The following MYH2 variants were observed in gnomAD, a reference collection of about 807,000 sequenced individuals.
MYH2 encodes myosin heavy chain 2, also known as myosin-2.
In MYH2, 139 loss-of-function variants were observed where a neutral mutation model predicts 228.1. That is an observed-to-expected ratio of 0.61 (90% CI 0.53 to 0.70). The LOEUF (loss-of-function observed/expected upper bound fraction) is 0.70. MYH2 is among the 30% of genes least tolerant of loss of function. The pLI is 0.00. For synonymous variants in MYH2, 796 were observed against 871.1 expected, an observed-to-expected ratio of 0.91 and a Z score of 1.52; for missense variants, 1,809 against 2,357.5, an observed-to-expected ratio of 0.77 and a Z score of 4.82.
chr17:10,522,015 T>C (rs2073291074), intron 39 of MYH2, among the ~76,000 whole-genome samples: 1 of 152,224 alleles, frequency 6.6e-6, no homozygotes, highest in South Asian at 2.1e-4. Flanking sequence ...TACTACTTAG[T>C]AATTTATCTT....
chr17:10,523,052 T>A (rs201924580), intron 39 of MYH2, 38 bp downstream of exon 39: 2 of 1,401,742 alleles, frequency 1.4e-6, no homozygotes, highest in Non-Finnish European at 2.0e-6. Flanking sequence ...AATTATTTAT[T>A]AGCTTAATTT....
At chr17:10,535,235 G>A (rs536827215) in intron 18 of MYH2, 43 bp downstream of exon 18, 4 of 1,613,814 alleles carry the variant, frequency 2.5e-6, no homozygotes, top group South Asian at 1.1e-5. Context: ...TGAAAAGGAG[G>A]TGTGGCAGTC....
Position 10,525,568 on chromosome 17 carries a change from C to A in MYH2, c.4420G>T (p.Glu1474Ter), listed in dbSNP as rs1313498386. Residue 1474 changes from glutamate (E) to a stop codon, truncating the protein, a stop_gained, in exon 32 of 40, where the codon GAG (glutamate) becomes TAG (stop). Coordinates refer to ENST00000245503, the MANE Select transcript of MYH2 (RefSeq NM_017534.6). LOFTEE classifies it high-confidence loss of function. This position sits in a 1 kb window ranked among gnomAD's most constrained non-coding sequence, Gnocchi z 4.2. The part of the protein sequence containing the change: ...QKCEETHAEL[E>*]ASQKEARSLG... Reference sequence around the variant, plus strand: ...GAACGGGCCTCCTTCTGGGAGGCCTCAAGCTCAGCATGCGTTTCCTCACAT... The same window carrying A: ...GAACGGGCCTCCTTCTGGGAGGCCTAAAGCTCAGCATGCGTTTCCTCACAT... 1.9e-6 allele frequency: 3 copies of A among 1,614,060 alleles called. No individual in the cohort carries two copies. In the East Asian group the frequency reaches 6.7e-5, roughly 36 times the overall value.
rs185993254 is a variant in MYH2, at chr17:10,541,206, C to T, written c.905-509G>A. ...GGGAGATAACCATTAGGTCTGGCTG[C>T]CTGAGAGCCGGGTGGAACACAGCCA... On this transcript the variant is annotated intron_variant, in intron 10 of 39. Transcript: ENST00000245503. 2.0e-3 allele frequency among the ~76,000 whole-genome samples: 300 copies of T among 152,288 alleles called. 2 individuals carry two copies. Among genetic ancestry groups the T allele is most frequent in the African/African-American group, 6.8e-3 (284 of 41,556 alleles).
In MYH2 at chr17:10,523,311, G is replaced by A. The variant is rs1263747590; in HGVS notation, c.5574C>T (p.Tyr1858=). Reference sequence around the variant, plus strand: ...CGCTAAAAACTACTGGCTGTACCTGGTAAGTGAGTTCCTTCACTCGCCTCT... The same window carrying A: ...CGCTAAAAACTACTGGCTGTACCTGATAAGTGAGTTCCTTCACTCGCCTCT... ...KHERRVKELT[Y]QTEEDRKNIL... The change falls in exon 38 of 40, where the codon TAC becomes TAT. Residue 1858 remains tyrosine (Y), a synonymous_variant. Transcript: ENST00000245503. 2.5e-6 allele frequency: 4 copies of A among 1,614,014 alleles called. No individual in the cohort carries two copies. The South Asian group carries it at 3.3e-5, about 13-fold the overall frequency.
At chr17:10,536,790 G>A (rs1006999348) in intron 16 of MYH2, among the ~76,000 whole-genome samples, 184 bp from the exon 17 acceptor site, 1 of 152,176 alleles carries the variant, frequency 6.6e-6, no homozygotes, top group African/African-American at 2.4e-5. Context: ...TCTTTCTCCA[G>A]TGGGAAATGA....
chr17:10,524,026 T>A lies in MYH2; in HGVS notation c.5176-142A>T. ...TAAAGAATTAAAGGATTGTGTTATG[T>A]AATATGATTAAATAAAATATAAATG... On this transcript the variant is annotated intron_variant, in intron 35 of 39. Transcript: ENST00000245503. This position sits in a 1 kb window ranked among gnomAD's most constrained non-coding sequence, Gnocchi z 4.7. The A allele has an allele frequency of 1.3e-6, 1 of 780,926 alleles. No individual in the cohort carries two copies. Among genetic ancestry groups the A allele is most frequent in the Non-Finnish European group, 2.0e-6 (1 of 503,850 alleles). The allele number at this position is 780,926 out of a possible 1,614,324, so 48.4% of individuals were successfully genotyped here. A position where few individuals can be genotyped will look rare whatever the true frequency, so the allele number is the denominator to read the frequency against.
chr17:10,527,063 G>T lies in MYH2; in HGVS notation c.3872-7C>A. The T allele has an allele frequency of 6.2e-7, 1 of 1,611,868 alleles. No homozygotes were observed. The highest frequency in any genetic ancestry group is 8.5e-7 in the Non-Finnish European group (1 of 1,177,988). On this transcript the variant is annotated splice_region_variant and splice_polypyrimidine_tract_variant and intron_variant, in intron 28 of 39. Transcript: ENST00000245503. ...AGCTGGCGTGAAAACTCACCTGATG[G>T]ACAAAAGAAATGGCACCATTTTTTA... is the stretch of plus-strand genomic sequence containing the variant.
Position 10,528,946 on chromosome 17 carries a change from G to A in MYH2, c.3488C>T (p.Thr1163Ile). 1.2e-6 allele frequency: 2 copies of A among 1,614,164 alleles called. No homozygotes were observed. The highest frequency in any genetic ancestry group is 1.1e-5 in the South Asian group (1 of 91,086). The change falls in exon 27 of 40, where the codon ACT becomes ATT. Residue 1163 changes from threonine (T) to isoleucine (I), a missense_variant. By Grantham distance (89) the Thr-to-Ile change is moderately conservative. Around this residue, in one of 9 missense-constraint regions of MYH2, gnomAD observed 636 missense variants for 729.9 expected, o/e 0.87. Coordinates refer to ENST00000245503, the MANE Select transcript of MYH2 (RefSeq NM_017534.6). ...SERLEEAGGA[T>I]SAQIEMNKKR... is the part of the protein sequence containing the mutation. The stretch of plus-strand genomic sequence containing the variant: ...CTTGTTCATCTCAATCTGGGCTGAA[G>A]TGGCCCCACCGGCTTCTTCCAGCCT...
At chr17:10,547,164 T>G (rs1031859382) in intron 4 of MYH2, among the ~76,000 whole-genome samples, 52 of 151,838 alleles carry the variant, frequency 3.4e-4, no homozygotes, top group African/African-American at 1.2e-3. Context: ...GCGGCTGGAG[T>G]GGGGAAAAGG....
chr17:10,547,794 G>T lies in MYH2; in HGVS notation c.127C>A (p.Pro43Thr). The T allele has an allele frequency of 6.2e-7, 1 of 1,614,090 alleles. No individual in the cohort carries two copies. Among genetic ancestry groups the T allele is most frequent in the Non-Finnish European group, 8.5e-7 (1 of 1,180,022 alleles). ...GTCCCTTTGACAAAGGATTCTTTGG[G>T]CTCCGCCACAAAGACAGATGTTTTG... is the stretch of plus-strand genomic sequence containing the variant. The part of the protein sequence containing the change: ...DAKTSVFVAE[P>T]KESFVKGTIQ... The change falls in exon 3 of 40, where the codon CCC becomes ACC. Residue 43 changes from proline to threonine, a missense_variant. By Grantham distance (38) the Pro-to-Thr change is conservative (BLOSUM62 -1). This residue lies in a region of MYH2 where 84 missense variants were observed against 81.8 expected (regional missense o/e 1.03). Transcript: ENST00000245503.
chr17:10,521,399 G>A lies in MYH2; in HGVS notation c.5707C>T (p.Arg1903Cys), dbSNP rs777766586. ...EQSNTNLAKF[R>C]KLQHELEEAE... ...TCCTCCAGCTCATGCTGGAGCTTGC[G>A]GAATTTAGCTAGATTGGTGTTGGAT... is the stretch of plus-strand genomic sequence containing the variant. The change falls in exon 40 of 40, where the codon CGC (arginine) becomes TGC (cysteine). Residue 1903 changes from arginine to cysteine, a missense_variant. This residue lies in a region of MYH2 where 278 missense variants were observed against 308.5 expected (regional missense o/e 0.90). Coordinates refer to ENST00000245503, the MANE Select transcript of MYH2 (RefSeq NM_017534.6). 27 of 1,613,916 alleles carry A rather than the reference G, an allele frequency of 1.7e-5. No individual in the cohort carries two copies. Among genetic ancestry groups the A allele is most frequent in the Admixed American group, 6.7e-5 (4 of 59,980 alleles).
rs2073427474 is a variant in MYH2 at position 10,531,815 on chromosome 17, A to C, written c.2515T>G (p.Phe839Val). The stretch of plus-strand genomic sequence containing the variant: ...TTCAACAGAGGCTTGATCTTGAAGA[A>C]GAGTTTCATCCAGGGCCAGTGCTTG... Reference protein sequence around the residue: ...NVKHWPWMKLFFKIKPLLKSA... With the variant: ...NVKHWPWMKLVFKIKPLLKSA... Residue 839 changes from phenylalanine (F) to valine (V), a missense_variant, in exon 22 of 40, where the codon TTC becomes GTC. By Grantham distance (50) the Phe-to-Val change is conservative. This residue lies in a region of MYH2 where 276 missense variants were observed against 344.2 expected (regional missense o/e 0.80). Transcript: ENST00000245503. 1 of 1,614,046 alleles carries C rather than the reference A, an allele frequency of 6.2e-7. No individual in the cohort carries two copies. The highest frequency in any genetic ancestry group is 8.5e-7 in the Non-Finnish European group (1 of 1,180,018).
Position 10,525,201 on chromosome 17 carries a change from A to G in MYH2, c.4662+23T>C, listed in dbSNP as rs1243891574. On this transcript the variant is annotated intron_variant, in intron 33 of 39. Coordinates refer to ENST00000245503, the MANE Select transcript of MYH2 (RefSeq NM_017534.6). The surrounding 1 kb of genome is among the most constrained non-coding windows in gnomAD (Gnocchi z 4.2). ...ACCTAATTATTTTCCAGATTTTTTTATAATGCACAATTTTACATGTACCTC... is the reference window on the plus strand; with the variant it reads ...ACCTAATTATTTTCCAGATTTTTTTGTAATGCACAATTTTACATGTACCTC... 1.2e-6 allele frequency: 2 copies of G among 1,613,986 alleles called. No individual in the cohort carries two copies. Among genetic ancestry groups the G allele is most frequent in the African/African-American group, 1.3e-5 (1 of 75,004 alleles).
chr17:10,546,272 T>TATATATATATATATATATATATAA (rs2073629943), intron 4 of MYH2, among the ~76,000 whole-genome samples: 1 of 132,544 alleles, frequency 7.5e-6, no homozygotes, highest in African/African-American at 2.9e-5. Context: ...TATATATATA[T>TATATATATATATATATATATATAA]ATATATATAT....
chr17:10,546,864 G>A (rs12944545), intron 4 of MYH2, among the ~76,000 whole-genome samples: 7,655 of 151,610 alleles, frequency 0.05, 228 homozygotes, highest in South Asian at 0.12. Context: ...CGGATCATTT[G>A]AGCCCAGGAG....
In MYH2 at chr17:10,547,462, A is replaced by G. The variant is rs1332329966; in HGVS notation, c.348+13T>C. On this transcript the variant is annotated intron_variant, in intron 4 of 39. Coordinates refer to ENST00000245503, the MANE Select transcript of MYH2 (RefSeq NM_017534.6). Reference sequence around the variant, plus strand: ...GAGGATGATTATACAGAGCACTGGCAGGGGACACTCACGTAGATCATCCAG... The same window carrying G: ...GAGGATGATTATACAGAGCACTGGCGGGGGACACTCACGTAGATCATCCAG... 8 of 1,613,966 alleles carry G rather than the reference A, an allele frequency of 5.0e-6. No homozygotes were observed. The African/African-American group carries it at 9.3e-5, about 19-fold the overall frequency.
In MYH2 at chr17:10,547,280, C is replaced by A. The variant is rs576916045; in HGVS notation, c.348+195G>T. Reference sequence around the variant, plus strand: ...CAACATGGACAGCGGCCTTCCCCAGCTTTGGATGGGAAAACAAGGAAGTGC... The same window carrying A: ...CAACATGGACAGCGGCCTTCCCCAGATTTGGATGGGAAAACAAGGAAGTGC... On this transcript the variant is annotated intron_variant, in intron 4 of 39. Coordinates refer to ENST00000245503, the MANE Select transcript of MYH2 (RefSeq NM_017534.6). Among the ~76,000 whole-genome samples the A allele has an allele frequency of 2.0e-5, 3 of 152,246 alleles. No homozygotes were observed. In the East Asian group the frequency reaches 5.8e-4, roughly 29 times the overall value.
intron 10 of MYH2, 115 bp from the exon 11 acceptor site, chr17:10,540,812 A>G (rs906721669): frequency 1.2e-6 from 1 of 833,200 alleles, no homozygotes; most frequent in Non-Finnish European, 2.0e-6. Flanking sequence ...GACCCCAAAT[A>G]GAGGGACCGG....
Sources: gnomAD v4.1 joint callset for allele counts (sites outside exome capture counted in the v4.1 genomes callset) on GRCh38, gnomAD v4.1.1 for gene constraint, gnomAD v4.1.1 regional missense constraint, Gnocchi (gnomAD v3.1) non-coding constraint, MANE v1.5 for transcripts, NCBI Gene and HGNC (gene_info 2026-07-23, HGNC 2026-07-21) for gene names.